Variants in ZNF556 observed in about 807,000 individuals in gnomAD.
ZNF556 encodes the protein zinc finger protein 556.
Under a neutral mutation model 13.6 loss-of-function variants are expected in ZNF556, and 11 were observed. That is an observed-to-expected ratio of 0.81 (90% CI 0.51 to 1.33). The LOEUF is 1.33. ZNF556 is among the 40% of genes most tolerant of loss of function. ZNF556 has a pLI of 0.00. For synonymous variants in ZNF556, 229 were observed against 207.8 expected (o/e 1.10, Z -0.88); for missense variants, 633 against 566.2 (o/e 1.12, Z -1.20).
intron 1 of ZNF556, among the ~76,000 whole-genome samples, chr19:2,868,651 A>C (rs1006890368): frequency 6.6e-6 from 1 of 151,414 alleles, no homozygotes; most frequent in Non-Finnish European, 1.5e-5. Context: ...TCCTGACCTC[A>C]GGTGATCCAC....
chr19:2,872,776 G>A (rs535115919), intron 1 of ZNF556, among the ~76,000 whole-genome samples: 32 of 143,218 alleles, frequency 2.2e-4, no homozygotes, highest in South Asian at 6.7e-4. Context: ...CCGGGATCGC[G>A]CCACTGCACT....
At chr19:2,867,501 A>G (rs889567212) in intron 1 of ZNF556, 77 bp downstream of exon 1, 167 of 1,553,410 alleles carry the variant, frequency 1.1e-4, no homozygotes, top group Non-Finnish European at 1.4e-4. Context: ...ACACGCTGAA[A>G]CTCCCGGGGG....
chr19:2,875,792 G>A (rs1049528792), intron 2 of ZNF556, among the ~76,000 whole-genome samples: 8 of 151,602 alleles, frequency 5.3e-5, no homozygotes, highest in South Asian at 4.2e-4. Context: ...GTGAAACCCC[G>A]TCTCTACTAA....
Position 2,878,391 on chromosome 19 carries a change from C to T in ZNF556, c.*62C>T. On this transcript the variant is annotated 3_prime_UTR_variant, in exon 4 of 4. Transcript: ENST00000307635. ...GTTCAGAAAATTCACAGCAGGAGGG[C>T]CGGGCGCAGTGGCTCACGCCTGTAA... is the stretch of plus-strand genomic sequence containing the variant. 6.5e-7 allele frequency: 1 copy of T among 1,547,944 alleles called. No individual in the cohort carries two copies. Among genetic ancestry groups the T allele is most frequent in the Non-Finnish European group, 8.8e-7 (1 of 1,140,866 alleles).
rs867302426 is a variant in ZNF556 at position 2,878,186 on chromosome 19, C to A, written c.1228C>A (p.Leu410Ile). 9 of 1,614,116 alleles carry A rather than the reference C, an allele frequency of 5.6e-6. No individual in the cohort carries two copies. Among genetic ancestry groups the A allele is most frequent in the Non-Finnish European group, 7.6e-6 (9 of 1,180,024 alleles). ...AASVGKPSGG[L>I]CSSKNVRTQI... ...CAGTGTGGGAAAACCTTCAGGCGGG[C>A]TTTGCTCTTCCAAAAATGTAAGAAC... The change falls in exon 4 of 4, where the codon CTT becomes ATT. Residue 410 changes from leucine (L) to isoleucine (I), a missense_variant. By Grantham distance (5) the Leu-to-Ile change is conservative (BLOSUM62 2). Coordinates refer to ENST00000307635, the MANE Select transcript of ZNF556 (RefSeq NM_024967.3).
rs1409115135 is a variant in ZNF556 at position 2,881,777 on chromosome 19, C to T, written c.*3448C>T. The stretch of plus-strand genomic sequence containing the variant: ...TTTTTTTTTAATACTATTTCAAGAA[C>T]TGCTCATGAGTTAGGAAATAGTGAG... On this transcript the variant is annotated 3_prime_UTR_variant, in exon 4 of 4. Transcript: ENST00000307635. 2.0e-5 allele frequency: 3 copies of T among 151,678 alleles called. No individual in the cohort carries two copies. The highest frequency in any genetic ancestry group is 6.6e-5 in the Admixed American group (1 of 15,186). 9.4% of individuals were successfully genotyped at this position (151,678 alleles called of 1,614,324 possible).
chr19:2,876,271 T>C lies in ZNF556; in HGVS notation c.309T>C (p.His103=). The C allele has an allele frequency of 6.3e-7, 1 of 1,588,058 alleles. No homozygotes were observed. Among genetic ancestry groups the C allele is most frequent in the Non-Finnish European group, 8.5e-7 (1 of 1,171,670 alleles). ...ACAAGCACAACACCAAGGAGAGACA[T>C]TTGAGGTGAGTTGTACTTAGAAGAA... is the stretch of plus-strand genomic sequence containing the variant. ...VKDKHNTKER[H]LSRNPRVERP... Residue 103 remains histidine, a synonymous_variant, in exon 3 of 4, where the codon CAT becomes CAC. Coordinates refer to ENST00000307635, the MANE Select transcript of ZNF556 (RefSeq NM_024967.3).
intron 3 of ZNF556, among the ~76,000 whole-genome samples, chr19:2,876,576 G>A (rs940368838): frequency 5.3e-5 from 8 of 151,784 alleles, no homozygotes; most frequent in African/African-American, 1.2e-4. Context: ...AAAAATAGGC[G>A]TGGTGGCATG....
chr19:2,871,512 T>C lies in ZNF556; in HGVS notation c.4-1984T>C, dbSNP rs537960059. On this transcript the variant is annotated intron_variant, in intron 1 of 3. Transcript: ENST00000307635. ...GTGACTGTATTTAAGGATACTGTAA[T>C]GTATACTTGAAATACACTGGGCCTG... 2.0e-4 allele frequency among the ~76,000 whole-genome samples: 31 copies of C among 152,242 alleles called. 1 individual carries two copies. In the South Asian group the frequency reaches 6.2e-3, roughly 31 times the overall value.
In ZNF556 at chr19:2,878,371, G is replaced by T. The variant is rs746819363; in HGVS notation, c.*42G>T. On this transcript the variant is annotated 3_prime_UTR_variant, in exon 4 of 4. Coordinates refer to ENST00000307635, the MANE Select transcript of ZNF556 (RefSeq NM_024967.3). ...CAAATTAATTCACATACATGGTTCA[G>T]AAAATTCACAGCAGGAGGGCCGGGC... is the stretch of plus-strand genomic sequence containing the variant. 1 of 1,586,712 alleles carries T rather than the reference G, an allele frequency of 6.3e-7. No individual in the cohort carries two copies. The highest frequency in any genetic ancestry group is 8.6e-7 in the Non-Finnish European group (1 of 1,166,086).
Position 2,882,075 on chromosome 19 carries a change from T to C in ZNF556, c.*3746T>C, listed in dbSNP as rs1047030638. The stretch of plus-strand genomic sequence containing the variant: ...GCAATGAGTTATCTTGCCACTGTAC[T>C]CCAGCCAGGGTGACAGAATGAGACC... On this transcript the variant is annotated 3_prime_UTR_variant, in exon 4 of 4. Transcript: ENST00000307635. The C allele has an allele frequency of 6.6e-6, 1 of 151,952 alleles. No individual in the cohort carries two copies. Among genetic ancestry groups the C allele is most frequent in the Non-Finnish European group, 1.5e-5 (1 of 68,002 alleles). 9.4% of individuals were successfully genotyped at this position (151,952 alleles called of 1,614,324 possible).
intron 2 of ZNF556, among the ~76,000 whole-genome samples, chr19:2,874,069 C>T (rs1568353132): frequency 6.6e-6 from 1 of 151,714 alleles, no homozygotes; most frequent in Non-Finnish European, 1.5e-5. Flanking sequence ...CCAGCCTGGG[C>T]AACACGGTGA....
intron 3 of ZNF556, among the ~76,000 whole-genome samples, chr19:2,876,709 G>A (rs927633491): frequency 6.6e-6 from 1 of 150,770 alleles, no homozygotes; most frequent in Admixed American, 6.6e-5. Context: ...AACAGAGTGA[G>A]ACTCTATCTC....
rs778948555 is a variant in ZNF556, at chr19:2,876,101, G to GCT, written c.141_142dup (p.Gln48LeufsTer25). ...TCACTTTTTTGTTTCAGATAATGAG[G>GCT]CTCAGCTTAAAGCCAGTGGGTCTAT... On this transcript the variant is annotated frameshift_variant, in exon 3 of 4. Coordinates refer to ENST00000307635, the MANE Select transcript of ZNF556 (RefSeq NM_024967.3). LOFTEE classifies it high-confidence loss of function. The GCT allele has an allele frequency of 6.2e-7, 1 of 1,603,876 alleles. No individual in the cohort carries two copies. The highest frequency in any genetic ancestry group is 1.1e-5 in the South Asian group (1 of 88,100).
At chr19:2,868,390 AGAT>A (rs1285885995) in intron 1 of ZNF556, among the ~76,000 whole-genome samples, 18 of 152,206 alleles carry the variant, frequency 1.2e-4, no homozygotes, top group African/African-American at 4.1e-4. Context: ...AATTTGTGAT[AGAT>A]GATAATTCTG....
At chr19:2,874,758 A>AAAAAAAAAAAAAAAAAG (rs1555725942) in intron 2 of ZNF556, among the ~76,000 whole-genome samples, 2 of 130,736 alleles carry the variant, frequency 1.5e-5, no homozygotes, top group Non-Finnish European at 3.2e-5. Flanking sequence ...AAAAAAAAAA[A>AAAAAAAAAAAAAAAAAG]AAAGAAAGAA....
intron 1 of ZNF556, among the ~76,000 whole-genome samples, chr19:2,871,176 AG>A: frequency 6.6e-6 from 1 of 152,230 alleles, no homozygotes; most frequent in South Asian, 2.1e-4. Context: ...GAAAAAAAAA[AG>A]TATATGACAT....
chr19:2,871,409 G>A (rs1299562975), intron 1 of ZNF556, among the ~76,000 whole-genome samples: 3 of 152,216 alleles, frequency 2.0e-5, no homozygotes, highest in Non-Finnish European at 4.4e-5. Flanking sequence ...GACAGGGGAA[G>A]TGGGGAGAGA....
chr19:2,869,428 G>A (rs994500048), intron 1 of ZNF556, among the ~76,000 whole-genome samples: 14 of 151,930 alleles, frequency 9.2e-5, no homozygotes, highest in East Asian at 1.9e-4. Context: ...GTGCAGTGGC[G>A]CGATCTCAGC....
Sources: gnomAD v4.1 joint callset for allele counts (sites outside exome capture counted in the v4.1 genomes callset) on GRCh38, gnomAD v4.1.1 for gene constraint, MANE v1.5 for transcripts, NCBI Gene and HGNC (gene_info 2026-07-23, HGNC 2026-07-21) for gene names.